RCOR1: variants seen among roughly 807,000 people sequenced by gnomAD.
The protein encoded by RCOR1 is REST corepressor 1.
A neutral mutation model predicts 64.0 loss-of-function variants in RCOR1; 12 were observed. The ratio of observed to expected loss-of-function variants is 0.19; its 90% CI spans 0.12 to 0.30. The LOEUF (loss-of-function observed/expected upper bound fraction) is 0.30, where lower values mean the gene tolerates loss of function less well. RCOR1 is among the 10% of genes least tolerant of loss of function. The pLI, the probability that RCOR1 is intolerant of heterozygous loss-of-function variation, is 1.00. For missense variants in RCOR1, 502 were observed against 621.2 expected, an observed-to-expected ratio of 0.81 and a Z score of 2.04; for synonymous variants, 279 against 227.2, an observed-to-expected ratio of 1.23 and a Z score of -2.05.
intron 7 of RCOR1, among the ~76,000 whole-genome samples, chr14:102,714,015 C>T (rs1226856988): frequency 1.3e-5 from 2 of 151,914 alleles, no homozygotes; most frequent in African/African-American, 2.4e-5. Flanking sequence ...TATAAGTTGC[C>T]GTAAAAATTG....
In RCOR1 at chr14:102,713,206, G is replaced by A. The variant is rs144542106; in HGVS notation, c.859-1217G>A. On this transcript the variant is annotated intron_variant, in intron 7 of 11. Transcript: ENST00000262241. Reference sequence around the variant, plus strand: ...TGACCTCAAGTGATCCACCCACCTCGGCCTCCTAAAGTGCTGAGATTACAG... The same window carrying A: ...TGACCTCAAGTGATCCACCCACCTCAGCCTCCTAAAGTGCTGAGATTACAG... Among the ~76,000 whole-genome samples, 1,094 of 150,692 alleles carry A rather than the reference G, an allele frequency of 7.3e-3. 14 individuals are homozygous for A. Among genetic ancestry groups the A allele is most frequent in the Middle Eastern group, 0.025 (7 of 282 alleles).
chr14:102,669,523 C>G (rs913474870), intron 2 of RCOR1, among the ~76,000 whole-genome samples: 3 of 152,120 alleles, frequency 2.0e-5, no homozygotes, highest in Non-Finnish European at 2.9e-5. Flanking sequence ...TCTTTAAAAT[C>G]TAGGCATTGT....
chr14:102,671,651 T>G (rs1895034094), intron 2 of RCOR1, among the ~76,000 whole-genome samples: 4 of 152,186 alleles, frequency 2.6e-5, no homozygotes, highest in Non-Finnish European at 5.9e-5. Flanking sequence ...CACCTCAGCC[T>G]CCTGAGTAGC....
chr14:102,660,960 T>C (rs558531543), intron 2 of RCOR1, among the ~76,000 whole-genome samples: 32 of 152,316 alleles, frequency 2.1e-4, no homozygotes, highest in African/African-American at 7.0e-4. Flanking sequence ...GTGATATTGC[T>C]CAGCTCTTTT....
At chr14:102,667,034 T>C (rs191153852) in intron 2 of RCOR1, among the ~76,000 whole-genome samples, 2 of 152,254 alleles carry the variant, frequency 1.3e-5, no homozygotes, top group East Asian at 3.9e-4. Flanking sequence ...GAAAGTGATT[T>C]GATCAGAATT....
chr14:102,601,827 T>C (rs1893404599), intron 2 of RCOR1, among the ~76,000 whole-genome samples: 2 of 152,160 alleles, frequency 1.3e-5, no homozygotes, highest in African/African-American at 2.4e-5. Flanking sequence ...TTTTCTCTCT[T>C]GAAGGGAAAT....
intron 11 of RCOR1, 82 bp downstream of exon 11, chr14:102,722,498 C>T (rs893628204): frequency 6.8e-6 from 8 of 1,172,644 alleles, no homozygotes; most frequent in Non-Finnish European, 8.6e-6. Context: ...ATTTTTTCAG[C>T]TATAGAGATT....
chr14:102,619,272 C>G lies in RCOR1; in HGVS notation c.361+25947C>G, dbSNP rs1893823692. On this transcript the variant is annotated intron_variant, in intron 2 of 11. Coordinates refer to ENST00000262241, the MANE Select transcript of RCOR1 (RefSeq NM_015156.4). ...AAGTAGCTGGGATTGCAGGCGTGCA[C>G]TACACGCCCAGCTAACTTTTTATTT... Among the ~76,000 whole-genome samples, 3 of 152,132 alleles carry G rather than the reference C, an allele frequency of 2.0e-5. No homozygotes were observed. In the South Asian group the frequency reaches 6.2e-4, roughly 32 times the overall value.
At chr14:102,676,013 A>G (rs1052644373) in intron 2 of RCOR1, among the ~76,000 whole-genome samples, 1 of 149,770 alleles carries the variant, frequency 6.7e-6, no homozygotes, top group African/African-American at 2.5e-5. Flanking sequence ...CGCATTGAAA[A>G]CATCTGAATA....
intron 2 of RCOR1, among the ~76,000 whole-genome samples, chr14:102,593,730 C>T (rs1371731954): frequency 6.6e-6 from 1 of 152,130 alleles, no homozygotes; most frequent in African/African-American, 2.4e-5. Context: ...CCCCAGAGAC[C>T]CCTTTCTCGG....
chr14:102,662,306 C>T (rs542435442), intron 2 of RCOR1: 19 of 555,176 alleles, frequency 3.4e-5, no homozygotes, highest in Non-Finnish European at 6.7e-5. Flanking sequence ...GAACGTATGC[C>T]TCCTTCTCTC....
intron 2 of RCOR1, among the ~76,000 whole-genome samples, chr14:102,623,387 ATTATTTAT>A (rs376556197): frequency 0.026 from 3,260 of 124,792 alleles, 51 homozygotes; most frequent in African/African-American, 0.046. Flanking sequence ...TTATTTATTT[ATTATTTAT>A]TTATTTATTT....
chr14:102,678,272 T>C (rs147582600), intron 2 of RCOR1, among the ~76,000 whole-genome samples: 2 of 152,230 alleles, frequency 1.3e-5, no homozygotes, highest in Non-Finnish European at 2.9e-5. Context: ...TGATTGTGAA[T>C]AACGCTGCCT....
At chr14:102,670,759 T>A (rs538134537) in intron 2 of RCOR1, among the ~76,000 whole-genome samples, 3 of 135,958 alleles carry the variant, frequency 2.2e-5, no homozygotes, top group Non-Finnish European at 3.2e-5. Context: ...ATATATATAT[T>A]TATTTATTTT....
intron 2 of RCOR1, among the ~76,000 whole-genome samples, chr14:102,629,713 C>T (rs1017372864): frequency 6.6e-6 from 1 of 152,178 alleles, no homozygotes; most frequent in Non-Finnish European, 1.5e-5. Context: ...TTGCAGCCTT[C>T]TCTCCTTGCT....
At chr14:102,644,814 A>G (rs984639367) in intron 2 of RCOR1, among the ~76,000 whole-genome samples, 1 of 152,242 alleles carries the variant, frequency 6.6e-6, no homozygotes, top group Non-Finnish European at 1.5e-5. Context: ...TCAGCAGGGC[A>G]CACGTTACCA....
intron 4 of RCOR1, among the ~76,000 whole-genome samples, chr14:102,706,960 C>T (rs1895871433): frequency 6.6e-6 from 1 of 151,890 alleles, no homozygotes; most frequent in South Asian, 2.1e-4. Flanking sequence ...GTTGCTGTAC[C>T]TAACAAGTTA....
intron 2 of RCOR1, among the ~76,000 whole-genome samples, chr14:102,636,351 C>T (rs543521151): frequency 1.3e-5 from 2 of 151,946 alleles, no homozygotes; most frequent in South Asian, 2.1e-4. Flanking sequence ...GATCTTGGCG[C>T]ACTGCAACCT....
chr14:102,713,073 C>T (rs1048976809), intron 7 of RCOR1, among the ~76,000 whole-genome samples: 4 of 148,704 alleles, frequency 2.7e-5, no homozygotes, highest in South Asian at 2.1e-4. Context: ...TCTGCTTCAG[C>T]CTCCCAAGTA....
Sources: gnomAD v4.1 joint callset for allele counts (sites outside exome capture counted in the v4.1 genomes callset) on GRCh38, gnomAD v4.1.1 for gene constraint, MANE v1.5 for transcripts, NCBI Gene and HGNC (gene_info 2026-07-23, HGNC 2026-07-21) for gene names.